The following DTNA variants were observed in gnomAD, a reference collection of about 807,000 sequenced individuals.
DTNA encodes the protein dystrobrevin alpha.
DTNA carries 43 observed loss-of-function variants against 100.7 expected under a neutral mutation model. The observed-to-expected ratio is 0.43, with a 90% CI of 0.33 to 0.55. The LOEUF (loss-of-function observed/expected upper bound fraction) is 0.55, where lower values mean the gene tolerates loss of function less well. Ranked by LOEUF, DTNA falls within the 20% of genes least tolerant of loss-of-function variation. The pLI is 0.04. For missense variants in DTNA, 798 were observed against 953.9 expected, an observed-to-expected ratio of 0.84 and a Z score of 2.15; for synonymous variants, 349 against 347.9, an observed-to-expected ratio of 1.00 and a Z score of -0.04.
upstream of DTNA, among the ~76,000 whole-genome samples, chr18:34,706,505 G>GA (rs1375224433): frequency 6.6e-6 from 1 of 151,980 alleles, no homozygotes; most frequent in East Asian, 1.9e-4. Flanking sequence ...TTAAACACAT[G>GA]AAAAAATACA....
chr18:34,797,761 G>A (rs193201553), intron 4 of DTNA, among the ~76,000 whole-genome samples: 59 of 152,228 alleles, frequency 3.9e-4, no homozygotes, highest in Non-Finnish European at 7.1e-4. Flanking sequence ...GAAGCCTTTC[G>A]CCTGTCATGG....
intron 1 of DTNA, among the ~76,000 whole-genome samples, chr18:34,496,201 C>T (rs930633971): frequency 7.5e-6 from 1 of 133,054 alleles, no homozygotes; most frequent in African/African-American, 2.9e-5. Context: ...CATCCCCTCC[C>T]TGCAACACAC....
intron 16 of DTNA, among the ~76,000 whole-genome samples, chr18:34,861,359 A>G (rs772936059): frequency 7.0e-4 from 106 of 151,888 alleles, no homozygotes; most frequent in Non-Finnish European, 1.4e-3. Flanking sequence ...GGTGGCAGGC[A>G]CCTGTACTCC....
At position 34,815,621 on chromosome 18, in the gene DTNA, G is replaced by A. The variant is rs577368814; in HGVS notation, c.604-288G>A. 219 of 346,922 alleles carry A rather than the reference G, an allele frequency of 6.3e-4. 1 individual carries two copies. Among genetic ancestry groups the A allele is most frequent in the Middle Eastern group, 3.9e-3 (4 of 1,028 alleles). 21.5% of individuals were successfully genotyped at this position (346,922 alleles called of 1,614,324 possible). A position where few individuals can be genotyped will look rare whatever the true frequency, so the allele number is the denominator to read the frequency against. On this transcript the variant is annotated intron_variant, in intron 6 of 22. Transcript: ENST00000444659. ...TATTTTGCTTCATTATTTTTATACTGTCTTTCATATATACAAATGATGCTC... is the reference window on the plus strand; with the variant it reads ...TATTTTGCTTCATTATTTTTATACTATCTTTCATATATACAAATGATGCTC...
chr18:34,574,828 A>G (rs965922083), intron 1 of DTNA, among the ~76,000 whole-genome samples: 5 of 151,984 alleles, frequency 3.3e-5, no homozygotes, highest in African/African-American at 1.2e-4. Context: ...TTTTGTAGAC[A>G]TGGGTTCTTG....
intron 1 of DTNA, among the ~76,000 whole-genome samples, chr18:34,537,322 T>C (rs1047272037): frequency 2.6e-5 from 4 of 151,966 alleles, no homozygotes; most frequent in South Asian, 2.1e-4. Context: ...CTTGCTGATA[T>C]AGCAAACGTA....
intron 14 of DTNA, among the ~76,000 whole-genome samples, chr18:34,849,249 G>C (rs1340126102): frequency 6.6e-6 from 1 of 152,152 alleles, no homozygotes; most frequent in Non-Finnish European, 1.5e-5. Flanking sequence ...TTAAAATATA[G>C]AATCAGCTGA....
At chr18:34,568,524 T>C (rs1293006756) in intron 1 of DTNA, among the ~76,000 whole-genome samples, 3 of 152,230 alleles carry the variant, frequency 2.0e-5, no homozygotes, top group Non-Finnish European at 4.4e-5. Context: ...GTTGTCTTTT[T>C]ACTTTCCTAC....
Position 34,889,200 on chromosome 18 carries a change from C to G in DTNA, c.*1466C>G. The G allele has an allele frequency of 6.1e-6, 6 of 985,442 alleles. No homozygotes were observed. The highest frequency in any genetic ancestry group is 7.2e-6 in the Non-Finnish European group (6 of 829,938). The allele number at this position is 985,442 out of a possible 1,614,324, so 61.0% of individuals were successfully genotyped here. A position where few individuals can be genotyped will look rare whatever the true frequency, so the allele number is the denominator to read the frequency against. On this transcript the variant is annotated 3_prime_UTR_variant, in exon 23 of 23. Transcript: ENST00000444659. ...TTAGCAGTTTCTCTGGAATTCCTGT[C>G]TCTCCTTTAAAAGAAAGGAGAGAAC...
At chr18:34,540,498 T>C (rs928116930) in intron 1 of DTNA, among the ~76,000 whole-genome samples, 1 of 152,014 alleles carries the variant, frequency 6.6e-6, no homozygotes, top group African/African-American at 2.4e-5. Context: ...CTGGGGACTT[T>C]CTATAACAGA....
chr18:34,783,763 A>G (rs1175656949), intron 3 of DTNA, among the ~76,000 whole-genome samples: 2 of 152,180 alleles, frequency 1.3e-5, no homozygotes, highest in Non-Finnish European at 2.9e-5. Flanking sequence ...GTATCTATTG[A>G]CCCTGGAAAA....
chr18:34,544,834 C>T (rs759738798), intron 1 of DTNA, among the ~76,000 whole-genome samples: 3 of 151,464 alleles, frequency 2.0e-5, no homozygotes, highest in African/African-American at 4.9e-5. Flanking sequence ...TGGAGACTTG[C>T]AATGGGTAAA....
chr18:34,643,881 T>C (rs887333215), intron 1 of DTNA, among the ~76,000 whole-genome samples: 3 of 152,182 alleles, frequency 2.0e-5, no homozygotes, highest in Non-Finnish European at 4.4e-5. Context: ...TCATCTTTTA[T>C]ACCTATAAAA....
rs550351119 is a variant in DTNA at position 34,583,586 on chromosome 18, CTT to C, written c.-2+90084_-2+90085del. 8.8e-4 allele frequency among the ~76,000 whole-genome samples: 125 copies of C among 142,180 alleles called. 2 individuals are homozygous for C. In the Middle Eastern group the frequency reaches 0.015, roughly 17 times the overall value. The allele number at this position is 142,180 out of a possible 152,430, so 93.3% of individuals were successfully genotyped here. ...GAACACAACAGCAGAGAGCTATTGACTTTTTTTTTTTTTAATGGAAATGGAAT... is the reference window on the plus strand; with the variant it reads ...GAACACAACAGCAGAGAGCTATTGACTTTTTTTTTTTAATGGAAATGGAAT... On this transcript the variant is annotated intron_variant, in intron 1 of 19. Transcript: ENST00000283365.
chr18:34,714,634 T>C (rs1372431648), intron 1 of DTNA, among the ~76,000 whole-genome samples: 1 of 151,304 alleles, frequency 6.6e-6, no homozygotes. Flanking sequence ...ACACTGTTGG[T>C]GGGACTGTAA....
At chr18:34,501,164 AT>A (rs1210508449) in intron 1 of DTNA, among the ~76,000 whole-genome samples, 1 of 152,230 alleles carries the variant, frequency 6.6e-6, no homozygotes, top group East Asian at 1.9e-4. Flanking sequence ...TTTAAAAAAA[AT>A]CACAAATAAG....
intron 1 of DTNA, among the ~76,000 whole-genome samples, chr18:34,598,213 C>A (rs998179932): frequency 6.9e-6 from 1 of 145,578 alleles, no homozygotes; most frequent in Non-Finnish European, 1.5e-5. Context: ...TATTTTCTTT[C>A]TTTCTTTTTT....
intron 1 of DTNA, among the ~76,000 whole-genome samples, chr18:34,511,271 A>G (rs1156833209): frequency 2.6e-5 from 4 of 152,084 alleles, no homozygotes; most frequent in Admixed American, 6.6e-5. Context: ...GTGAATATAT[A>G]CTTAAGACCC....
At position 34,888,497 on chromosome 18, in the gene DTNA, A is replaced by C; in HGVS notation, c.*763A>C. ...ACTCGAGGTTGTTTTCTTTCAAGAT[A>C]CTCTAATCAGCCATAGAATTTAGTG... On this transcript the variant is annotated 3_prime_UTR_variant, in exon 23 of 23. Transcript: ENST00000444659. 1 of 985,814 alleles carries C rather than the reference A, an allele frequency of 1.0e-6. No individual in the cohort carries two copies. The highest frequency in any genetic ancestry group is 1.2e-6 in the Non-Finnish European group (1 of 829,928). The allele number at this position is 985,814 out of a possible 1,614,324, so 61.1% of individuals were successfully genotyped here.
Sources: gnomAD v4.1 joint callset for allele counts (sites outside exome capture counted in the v4.1 genomes callset) on GRCh38, gnomAD v4.1.1 for gene constraint, MANE v1.5 for transcripts, NCBI Gene and HGNC (gene_info 2026-07-23, HGNC 2026-07-21) for gene names.